CLTCL1: variants seen among roughly 807,000 people sequenced by gnomAD.
CLTCL1 encodes the protein clathrin heavy chain 2.
CLTCL1 carries 159 observed loss-of-function variants against 190.0 expected under a neutral mutation model. The observed-to-expected ratio is 0.84, with a 90% CI of 0.74 to 0.95. The LOEUF (loss-of-function observed/expected upper bound fraction) is 0.95. CLTCL1 is among the 40% of genes least tolerant of loss of function. The pLI, the probability that CLTCL1 is intolerant of heterozygous loss-of-function variation, is 0.00. For synonymous variants in CLTCL1, 752 were observed against 769.6 expected (o/e 0.98, Z 0.38); for missense variants, 1,878 against 2,033.4 (o/e 0.92, Z 1.47).
intron 2 of CLTCL1, among the ~76,000 whole-genome samples, chr22:19,269,597 C>T (rs1482664709): frequency 6.6e-6 from 1 of 152,152 alleles, no homozygotes; most frequent in African/African-American, 2.4e-5. Context: ...GAATACTATG[C>T]AGCCACAAAA....
At chr22:19,207,063 C>T (rs1189130074) in intron 22 of CLTCL1, among the ~76,000 whole-genome samples, 2 of 127,982 alleles carry the variant, frequency 1.6e-5, no homozygotes, top group Admixed American at 2.0e-4. Flanking sequence ...GTCACCCAGG[C>T]TGGAGTGTAG....
chr22:19,215,866 G>A (rs2145701702), intron 19 of CLTCL1, among the ~76,000 whole-genome samples: 1 of 152,320 alleles, frequency 6.6e-6, no homozygotes, highest in Non-Finnish European at 1.5e-5. Flanking sequence ...GTGTGGGCCA[G>A]AGCAGTAAGA....
chr22:19,253,456 C>T (rs2086659428), intron 3 of CLTCL1, among the ~76,000 whole-genome samples: 2 of 152,200 alleles, frequency 1.3e-5, no homozygotes, highest in Admixed American at 6.5e-5. Flanking sequence ...ATGTCTAGCC[C>T]TCTCTCGTCT....
At position 19,210,466 on chromosome 22, in the gene CLTCL1, G is replaced by A. The variant is rs539104628; in HGVS notation, c.3109C>T (p.Arg1037Cys). ...CTGATGTACTCCATGACCCGTGTGC[G>A]GTCTGCCTTGATGGCAGTCAGGATC... ...LLILTAIKADRTRVMEYISRL... is the reference protein window; with the variant it reads ...LLILTAIKADCTRVMEYISRL... Residue 1037 changes from arginine (R) to cysteine (C), a missense_variant, in exon 20 of 33, where the codon CGC (arginine) becomes TGC (cysteine). By Grantham distance (180) the Arg-to-Cys change is radical (BLOSUM62 -3). Coordinates refer to ENST00000427926, the MANE Select transcript of CLTCL1 (RefSeq NM_007098.4). The A allele has an allele frequency of 2.2e-5, 36 of 1,613,920 alleles. 1 individual carries two copies. The highest frequency in any genetic ancestry group is 2.0e-4 in the Admixed American group (12 of 60,012).
intron 1 of CLTCL1, among the ~76,000 whole-genome samples, chr22:19,285,867 T>C (rs2087888924): frequency 6.6e-6 from 1 of 152,216 alleles, no homozygotes; most frequent in Non-Finnish European, 1.5e-5. Context: ...TGCAGTGATC[T>C]GTCTGTGATC....
At position 19,222,828 on chromosome 22, in the gene CLTCL1, A is replaced by G. The variant is rs1555953429; in HGVS notation, c.2293-19T>C. The G allele has an allele frequency of 2.5e-5, 40 of 1,584,490 alleles. No homozygotes were observed. The highest frequency in any genetic ancestry group is 3.3e-5 in the Non-Finnish European group (38 of 1,165,662). Reference sequence around the variant, plus strand: ...TGGCCTCCTGAGGATTAGAATGCACAGAACAAGTCAGGGAGTGGAGAAACC... The same window carrying G: ...TGGCCTCCTGAGGATTAGAATGCACGGAACAAGTCAGGGAGTGGAGAAACC... On this transcript the variant is annotated intron_variant, in intron 14 of 32. Transcript: ENST00000427926.
intron 10 of CLTCL1, 39 bp downstream of exon 10, chr22:19,232,437 A>G: frequency 1.9e-6 from 3 of 1,612,966 alleles, no homozygotes; most frequent in Non-Finnish European, 2.5e-6. Context: ...GATGGCTCTA[A>G]AAAGCCACAA....
intron 2 of CLTCL1, among the ~76,000 whole-genome samples, chr22:19,255,123 T>TA (rs2086706043): frequency 6.6e-6 from 1 of 151,940 alleles, no homozygotes; most frequent in Non-Finnish European, 1.5e-5. Context: ...GGCATAAAGA[T>TA]CAAAAAAGGA....
rs1411693130 is a variant in CLTCL1 at position 19,179,853 on chromosome 22, AG to A, written c.*136del. The A allele has an allele frequency of 3.0e-6, 1 of 331,914 alleles. No individual in the cohort carries two copies. Among genetic ancestry groups the A allele is most frequent in the African/African-American group, 2.1e-5 (1 of 47,772 alleles). 20.6% of individuals were successfully genotyped at this position (331,914 alleles called of 1,614,324 possible). ...TGGAGAAGTTAGTAACTCTGCAGGT[AG>A]GGTGGGTGGTGACAACGCCCACTAC... On this transcript the variant is annotated 3_prime_UTR_variant, in exon 33 of 33. Transcript: ENST00000427926.
intron 4 of CLTCL1, 45 bp from the exon 5 acceptor site, chr22:19,239,433 G>T: frequency 1.4e-6 from 2 of 1,416,110 alleles, no homozygotes; most frequent in Non-Finnish European, 2.0e-6. Flanking sequence ...GCCTGTGGTG[G>T]TGGGCAAGTG....
At chr22:19,205,407 G>A (rs1254491807) in intron 22 of CLTCL1, among the ~76,000 whole-genome samples, 3 of 152,196 alleles carry the variant, frequency 2.0e-5, no homozygotes, top group Non-Finnish European at 4.4e-5. Flanking sequence ...CTACTCGGGA[G>A]GCTGAGGTGG....
At chr22:19,193,506 G>C (rs138150863) in intron 26 of CLTCL1, among the ~76,000 whole-genome samples, 2 of 152,180 alleles carry the variant, frequency 1.3e-5, no homozygotes, top group Non-Finnish European at 2.9e-5. Flanking sequence ...TGGCAGGCCC[G>C]TGCCCACTAG....
intron 1 of CLTCL1, among the ~76,000 whole-genome samples, chr22:19,279,162 G>T (rs2087618574): frequency 6.6e-6 from 1 of 152,102 alleles, no homozygotes; most frequent in Admixed American, 6.5e-5. Context: ...ATTTGAGACA[G>T]TCTCGCTGCG....
At chr22:19,235,919 T>A in intron 5 of CLTCL1, 50 bp from the exon 6 acceptor site, 1 of 1,507,800 alleles carries the variant, frequency 6.6e-7, no homozygotes, top group South Asian at 1.2e-5. Context: ...GGAGAAGCCA[T>A]GCGGGTAAAA....
intron 22 of CLTCL1, among the ~76,000 whole-genome samples, chr22:19,202,218 C>T (rs2146328157): frequency 6.6e-6 from 1 of 152,180 alleles, no homozygotes; most frequent in East Asian, 1.9e-4. Context: ...TGATTGTTCT[C>T]AGTCCTGCTC....
chr22:19,219,756 C>T, intron 18 of CLTCL1, 129 bp downstream of exon 18: 1 of 1,350,826 alleles, frequency 7.4e-7, no homozygotes, highest in Non-Finnish European at 1.0e-6. Context: ...AAATTGCTGG[C>T]ATTACAGGCG....
At chr22:19,230,586 C>T (rs1390855803) in intron 10 of CLTCL1, among the ~76,000 whole-genome samples, 3 of 152,128 alleles carry the variant, frequency 2.0e-5, no homozygotes, top group Non-Finnish European at 4.4e-5. Flanking sequence ...AATTTATGGT[C>T]ATTAATTTAT....
intron 2 of CLTCL1, among the ~76,000 whole-genome samples, chr22:19,269,537 C>A (rs373359265): frequency 6.6e-6 from 1 of 152,122 alleles, no homozygotes; most frequent in East Asian, 1.9e-4. Context: ...TGGAACCAAC[C>A]CAAATGCCCA....
At chr22:19,206,134 T>G (rs572871505) in intron 22 of CLTCL1, among the ~76,000 whole-genome samples, 1 of 152,264 alleles carries the variant, frequency 6.6e-6, no homozygotes, top group South Asian at 2.1e-4. Flanking sequence ...CCATTTTGCC[T>G]GGGCTGGTCT....
Sources: allele counts gnomAD v4.1 joint callset (sites outside exome capture counted in the v4.1 genomes callset), GRCh38; gene constraint gnomAD v4.1.1; transcripts MANE v1.5; gene names NCBI Gene and HGNC (gene_info 2026-07-23, HGNC 2026-07-21).